Variants in RORA observed in about 807,000 individuals in gnomAD.
RORA encodes RAR related orphan receptor A, also known as nuclear receptor ROR-alpha.
In RORA, 7 loss-of-function variants were observed where a neutral mutation model predicts 69.5. The ratio of observed to expected loss-of-function variants is 0.10; its 90% CI spans 0.06 to 0.19. RORA has a LOEUF of 0.19. RORA is among the 10% of genes least tolerant of loss of function. The probability of loss-of-function intolerance (pLI) is 1.00; values close to 1 mark genes in which losing one functional copy is unlikely to be tolerated. For synonymous variants in RORA, 261 were observed against 240.8 expected (o/e 1.08, Z -0.78); for missense variants, 457 against 663.0 (o/e 0.69, Z 3.41).
chr15:61,055,641 A>G (rs912432546), intron 1 of RORA, among the ~76,000 whole-genome samples: 3 of 152,166 alleles, frequency 2.0e-5, no homozygotes, highest in African/African-American at 7.2e-5. Context: ...TGGTTTTTCA[A>G]AGTAATACTA....
Position 61,226,357 on chromosome 15 carries a change from G to T in RORA, c.166+2696C>A, listed in dbSNP as rs755753116. Among the ~76,000 whole-genome samples the T allele has an allele frequency of 6.6e-5, 10 of 152,154 alleles. No homozygotes were observed. The highest frequency in any genetic ancestry group is 1.0e-4 in the Non-Finnish European group (7 of 68,034). On this transcript the variant is annotated intron_variant, in intron 1 of 10. Coordinates refer to ENST00000335670, the MANE Select transcript of RORA (RefSeq NM_134261.3). The surrounding 1 kb of genome is among the most constrained non-coding windows in gnomAD (Gnocchi z 4.2). ...ATGTTTGCTTTTCCTTTCTAGTTGTGTGCCTTTATGTTTTAAGTATTTAAA... is the reference window on the plus strand; with the variant it reads ...ATGTTTGCTTTTCCTTTCTAGTTGTTTGCCTTTATGTTTTAAGTATTTAAA...
intron 1 of RORA, among the ~76,000 whole-genome samples, chr15:60,986,333 C>A (rs1054374890): frequency 1.3e-5 from 2 of 152,164 alleles, no homozygotes; most frequent in African/African-American, 4.8e-5. Flanking sequence ...GGAGTTTTAC[C>A]ATGTTGGCCA....
intron 1 of RORA, among the ~76,000 whole-genome samples, chr15:61,192,003 G>C (rs2079804579): frequency 6.6e-6 from 1 of 152,234 alleles, no homozygotes; most frequent in African/African-American, 2.4e-5. Context: ...TGGTGCACAA[G>C]GTACTTGGGT....
intron 2 of RORA, among the ~76,000 whole-genome samples, chr15:60,536,684 A>G (rs1424757563): frequency 6.6e-6 from 1 of 152,262 alleles, no homozygotes; most frequent in Non-Finnish European, 1.5e-5. Flanking sequence ...ATTTTCTTGA[A>G]TTGGACTGAA....
intron 10 of RORA, 131 bp from the exon 11 acceptor site, chr15:60,497,750 A>G (rs773194334): frequency 2.2e-5 from 16 of 734,272 alleles, no homozygotes; most frequent in Non-Finnish European, 3.4e-5. Flanking sequence ...AACATCCAGT[A>G]GCAGAGGATT....
At chr15:60,948,672 G>A (rs977224176) in intron 1 of RORA, among the ~76,000 whole-genome samples, 1 of 152,208 alleles carries the variant, frequency 6.6e-6, no homozygotes, top group Non-Finnish European at 1.5e-5. Flanking sequence ...GTGACTTGGT[G>A]AAGATAATAG....
chr15:60,782,069 A>T (rs1391561418), intron 1 of RORA, among the ~76,000 whole-genome samples: 1 of 152,208 alleles, frequency 6.6e-6, no homozygotes, highest in Non-Finnish European at 1.5e-5. Flanking sequence ...TACTAAAAAT[A>T]CAGAAATTAG....
intron 1 of RORA, among the ~76,000 whole-genome samples, chr15:60,858,660 T>C (rs2073405112): frequency 6.7e-6 from 1 of 150,184 alleles, no homozygotes; most frequent in South Asian, 2.1e-4. Flanking sequence ...GGTTTCACTC[T>C]GAGTTTTCAG....
chr15:61,198,006 A>C (rs2079860689), intron 1 of RORA, among the ~76,000 whole-genome samples: 1 of 152,190 alleles, frequency 6.6e-6, no homozygotes, highest in Non-Finnish European at 1.5e-5. Flanking sequence ...GAGATGCTCA[A>C]ATGACTCAGA....
intron 1 of RORA, among the ~76,000 whole-genome samples, chr15:61,033,637 A>G (rs575881036): frequency 9.2e-5 from 14 of 152,298 alleles, no homozygotes; most frequent in Non-Finnish European, 7.4e-5. Flanking sequence ...TTTACTTGCT[A>G]TGGTGTCCAA....
intron 1 of RORA, among the ~76,000 whole-genome samples, chr15:61,123,788 C>T (rs1185224195): frequency 1.3e-5 from 2 of 152,124 alleles, no homozygotes; most frequent in Admixed American, 1.3e-4. Flanking sequence ...CGGCCTCTGA[C>T]CTGAAATGTC....
intron 1 of RORA, among the ~76,000 whole-genome samples, chr15:61,054,825 TG>T (rs1453729422): frequency 1.2e-3 from 164 of 137,192 alleles, no homozygotes; most frequent in Non-Finnish European, 2.1e-3. Flanking sequence ...TTTTGTTTTT[TG>T]TTTTTTTTTT....
chr15:61,142,411 G>A (rs2079308465), intron 1 of RORA, among the ~76,000 whole-genome samples: 1 of 152,140 alleles, frequency 6.6e-6, no homozygotes, highest in Non-Finnish European at 1.5e-5. Context: ...CATATTTAGG[G>A]AAGCACTGAC....
chr15:61,091,570 A>G (rs1284429136), intron 1 of RORA, among the ~76,000 whole-genome samples: 1 of 152,204 alleles, frequency 6.6e-6, no homozygotes, highest in East Asian at 1.9e-4. Context: ...CTCTGGGATG[A>G]AGGTCCTGGG....
At chr15:60,800,711 A>G (rs1378917526) in intron 1 of RORA, among the ~76,000 whole-genome samples, 1 of 152,072 alleles carries the variant, frequency 6.6e-6, no homozygotes, top group African/African-American at 2.4e-5. Context: ...TACCCCACAC[A>G]GCATCTACCT....
chr15:60,739,377 C>T (rs2071543888), intron 1 of RORA, among the ~76,000 whole-genome samples: 1 of 152,072 alleles, frequency 6.6e-6, no homozygotes, highest in African/African-American at 2.4e-5. Context: ...TTGAGACCAG[C>T]CTAGGCAACA....
At chr15:60,628,183 T>G (rs1392272527) in intron 2 of RORA, among the ~76,000 whole-genome samples, 4 of 152,220 alleles carry the variant, frequency 2.6e-5, no homozygotes, top group African/African-American at 9.7e-5. Context: ...TCCCATCCGA[T>G]CTCACATTAT....
chr15:60,653,100 C>G (rs1362115427), intron 2 of RORA, among the ~76,000 whole-genome samples: 1 of 152,198 alleles, frequency 6.6e-6, no homozygotes, highest in Non-Finnish European at 1.5e-5. Context: ...GCTTTCGTTT[C>G]TACAGGTTAT....
At chr15:61,005,208 G>A (rs958345575) in intron 1 of RORA, among the ~76,000 whole-genome samples, 1 of 152,176 alleles carries the variant, frequency 6.6e-6, no homozygotes, top group Non-Finnish European at 1.5e-5. Flanking sequence ...GGCCAGGCAT[G>A]GTGGCTCATG....
Sources: gnomAD v4.1 joint callset for allele counts (sites outside exome capture counted in the v4.1 genomes callset) on GRCh38, gnomAD v4.1.1 for gene constraint, Gnocchi (gnomAD v3.1) non-coding constraint, MANE v1.5 for transcripts, NCBI Gene and HGNC (gene_info 2026-07-23, HGNC 2026-07-21) for gene names.